The following TNR variants were observed in gnomAD, a reference collection of about 807,000 sequenced individuals.
TNR encodes the protein tenascin-R.
Under a neutral mutation model 150.4 loss-of-function variants are expected in TNR, and 45 were observed. That is an observed-to-expected ratio of 0.30 (90% CI 0.24 to 0.38). The LOEUF is 0.38. Ranked by LOEUF, TNR falls within the 10% of genes least tolerant of loss-of-function variation. The pLI, the probability that TNR is intolerant of heterozygous loss-of-function variation, is 1.00. For missense variants in TNR, 1,544 were observed against 1,759.1 expected, an observed-to-expected ratio of 0.88 and a Z score of 2.19; for synonymous variants, 687 against 678.4, an observed-to-expected ratio of 1.01 and a Z score of -0.20.
Position 175,389,196 on chromosome 1 carries a change from C to G in TNR, c.1507+2092G>C, listed in dbSNP as rs983219221. The stretch of plus-strand genomic sequence containing the variant: ...GAATTAAAGAGGAATGAAAGAGCCT[C>G]AGAAACAGCCCCGGAAGCAAGCAAG... On this transcript the variant is annotated intron_variant, in intron 7 of 22. Coordinates refer to ENST00000367674, the MANE Select transcript of TNR (RefSeq NM_003285.3). Among the ~76,000 whole-genome samples the G allele has an allele frequency of 2.0e-5, 3 of 152,330 alleles. No individual in the cohort carries two copies. In the South Asian group the frequency reaches 6.2e-4, roughly 32 times the overall value.
At chr1:175,641,268 C>T (rs1664648848) in intron 1 of TNR, among the ~76,000 whole-genome samples, 1 of 151,334 alleles carries the variant, frequency 6.6e-6, no homozygotes, top group South Asian at 2.1e-4. Flanking sequence ...TTTTTACCAG[C>T]CAATGGTGGG....
chr1:175,603,268 C>T (rs1352628757), intron 1 of TNR, among the ~76,000 whole-genome samples: 1 of 152,188 alleles, frequency 6.6e-6, no homozygotes, highest in Non-Finnish European at 1.5e-5. Flanking sequence ...GATAACTGGG[C>T]TCCTGCCTCA....
intron 1 of TNR, among the ~76,000 whole-genome samples, chr1:175,682,847 G>A (rs1376623505): frequency 6.6e-6 from 1 of 152,174 alleles, no homozygotes; most frequent in African/African-American, 2.4e-5. Flanking sequence ...CTACATGGGT[G>A]CTGGAATGGT....
intron 2 of TNR, among the ~76,000 whole-genome samples, chr1:175,459,774 T>C (rs1430293131): frequency 6.6e-6 from 1 of 152,146 alleles, no homozygotes; most frequent in East Asian, 1.9e-4. Context: ...AATAGACAGC[T>C]CTGACTTCAA....
intron 1 of TNR, among the ~76,000 whole-genome samples, chr1:175,546,083 G>T (rs2102194140): frequency 6.6e-6 from 1 of 152,306 alleles, no homozygotes; most frequent in South Asian, 2.1e-4. Flanking sequence ...CCAGACTGGA[G>T]TTGGAATGTG....
chr1:175,674,331 G>A (rs1665797699), intron 1 of TNR, among the ~76,000 whole-genome samples: 1 of 152,204 alleles, frequency 6.6e-6, no homozygotes, highest in Non-Finnish European at 1.5e-5. Context: ...AAATGGAACA[G>A]AAAGACATAG....
intron 20 of TNR, among the ~76,000 whole-genome samples, chr1:175,331,157 T>TTTTC (rs200635306): frequency 0.021 from 2,338 of 109,920 alleles, 234 homozygotes; most frequent in Non-Finnish European, 0.028. Flanking sequence ...CTTTCTTTCT[T>TTTTC]TTTCTTTCCT....
intron 7 of TNR, among the ~76,000 whole-genome samples, chr1:175,387,180 A>C (rs1199812492): frequency 2.0e-5 from 3 of 152,232 alleles, no homozygotes; most frequent in Non-Finnish European, 2.9e-5. Context: ...GAGGGAATGT[A>C]GAAGAAGAAA....
chr1:175,528,696 G>A (rs533024964), intron 1 of TNR, among the ~76,000 whole-genome samples: 2 of 152,324 alleles, frequency 1.3e-5, no homozygotes, highest in South Asian at 4.1e-4. Flanking sequence ...TAGCTGATCT[G>A]ATTATGACAA....
intron 1 of TNR, among the ~76,000 whole-genome samples, chr1:175,677,696 G>T (rs1292277024): frequency 6.6e-6 from 1 of 152,178 alleles, no homozygotes; most frequent in Non-Finnish European, 1.5e-5. Context: ...GCAGGCTCAG[G>T]CTAGAACAAA....
chr1:175,505,833 G>T (rs895960236), intron 2 of TNR, among the ~76,000 whole-genome samples: 5 of 152,246 alleles, frequency 3.3e-5, no homozygotes, highest in African/African-American at 1.2e-4. Flanking sequence ...CTGAGGCCGG[G>T]AGTTCAAGAC....
intron 1 of TNR, among the ~76,000 whole-genome samples, chr1:175,544,662 C>G (rs1302995515): frequency 1.3e-5 from 2 of 152,102 alleles, no homozygotes; most frequent in Non-Finnish European, 2.9e-5. Context: ...AGAATGGATG[C>G]AAAGCAAGAA....
At chr1:175,533,519 T>C (rs1357451938) in intron 1 of TNR, among the ~76,000 whole-genome samples, 1 of 152,232 alleles carries the variant, frequency 6.6e-6, no homozygotes, top group Non-Finnish European at 1.5e-5. Context: ...TTTAGGTTTC[T>C]CATTTCCTGA....
intron 18 of TNR, among the ~76,000 whole-genome samples, chr1:175,349,423 A>G (rs1416841389): frequency 6.6e-6 from 1 of 152,258 alleles, no homozygotes; most frequent in Non-Finnish European, 1.5e-5. Flanking sequence ...GCAAAAGACT[A>G]TATAGATGCA....
intron 1 of TNR, among the ~76,000 whole-genome samples, chr1:175,623,739 G>A (rs1314780047): frequency 6.6e-6 from 1 of 152,224 alleles, no homozygotes; most frequent in Non-Finnish European, 1.5e-5. Context: ...GGATTAGAGT[G>A]AGCTAATTTA....
chr1:175,652,986 C>T (rs1159659198), intron 1 of TNR, among the ~76,000 whole-genome samples: 1 of 152,172 alleles, frequency 6.6e-6, no homozygotes, highest in Non-Finnish European at 1.5e-5. Flanking sequence ...AACAATGATA[C>T]ATTACTTTAC....
chr1:175,403,337 T>A lies in TNR; in HGVS notation c.779A>T (p.Asp260Val). 1 of 1,614,064 alleles carries A rather than the reference T, an allele frequency of 6.2e-7. No homozygotes were observed. Among genetic ancestry groups the A allele is most frequent in the Non-Finnish European group, 8.5e-7 (1 of 1,179,994 alleles). ...CVCEEPYTGE[D>V]CRELRCPGDC... ...CCCAGGGCACCTCAGTTCCCTGCAG[T>A]CCTCGCCAGTGTAGGGCTCTTCACA... The change falls in exon 4 of 23, where the codon GAC (aspartate) becomes GTC (valine). Residue 260 changes from aspartate (D) to valine (V), a missense_variant. Physicochemically the swap from Asp to Val is radical, Grantham distance 152 (BLOSUM62 -3). Coordinates refer to ENST00000367674, the MANE Select transcript of TNR (RefSeq NM_003285.3).
At chr1:175,435,348 G>A (rs1655455017) in intron 2 of TNR, among the ~76,000 whole-genome samples, 1 of 152,188 alleles carries the variant, frequency 6.6e-6, no homozygotes, top group African/African-American at 2.4e-5. Flanking sequence ...GAGAAAGAAG[G>A]AAGTAAAAGA....
intron 4 of TNR, among the ~76,000 whole-genome samples, chr1:175,401,176 T>A (rs1004599056): frequency 1.3e-5 from 2 of 152,164 alleles, no homozygotes; most frequent in Non-Finnish European, 2.9e-5. Context: ...GAGGGTTCAG[T>A]GTAAGTCCTG....
Sources: gnomAD v4.1 joint callset for allele counts (sites outside exome capture counted in the v4.1 genomes callset) on GRCh38, gnomAD v4.1.1 for gene constraint, MANE v1.5 for transcripts, NCBI Gene and HGNC (gene_info 2026-07-23, HGNC 2026-07-21) for gene names.